MSL2: variants seen among roughly 807,000 people sequenced by gnomAD.
The protein encoded by MSL2 is E3 ubiquitin-protein ligase MSL2.
A neutral mutation model predicts 35.8 loss-of-function variants in MSL2; 2 were observed. The ratio of observed to expected loss-of-function variants is 0.06; its 90% confidence interval spans 0.02 to 0.18. The LOEUF (loss-of-function observed/expected upper bound fraction) is 0.18, where lower values mean the gene tolerates loss of function less well. Ranked by LOEUF, MSL2 falls within the 10% of genes least tolerant of loss-of-function variation. MSL2 has a pLI of 1.00. For missense variants in MSL2, 523 were observed against 706.7 expected (o/e 0.74, Z 2.95); for synonymous variants, 296 against 255.7 (o/e 1.16, Z -1.50).
At chr3:136,171,973 C>G (rs909793994) in intron 1 of MSL2, among the ~76,000 whole-genome samples, 8 of 152,104 alleles carry the variant, frequency 5.3e-5, no homozygotes, top group Non-Finnish European at 1.0e-4. Flanking sequence ...TCATCGTAGC[C>G]TCAACCTCCT....
intron 1 of MSL2, chr3:136,155,746 C>CG: frequency 1.9e-6 from 1 of 521,674 alleles, no homozygotes. Context: ...CTTCTACAGA[C>CG]GGAATTGTGA....
intron 1 of MSL2, among the ~76,000 whole-genome samples, chr3:136,163,491 G>C (rs927252273): frequency 6.6e-6 from 1 of 152,126 alleles, no homozygotes; most frequent in Admixed American, 6.5e-5. Context: ...GAGCTTCTTG[G>C]ACAAATGGCT....
At chr3:136,175,213 G>A (rs893982608) in intron 1 of MSL2, among the ~76,000 whole-genome samples, 14 of 151,648 alleles carry the variant, frequency 9.2e-5, no homozygotes, top group South Asian at 4.2e-4. Context: ...ACGTGGTGGC[G>A]CACACCTGTA....
At chr3:136,155,062 G>A (rs1021877796) in intron 1 of MSL2, among the ~76,000 whole-genome samples, 2 of 151,984 alleles carry the variant, frequency 1.3e-5, no homozygotes, top group Admixed American at 1.3e-4. Flanking sequence ...ACAAAAATTA[G>A]CTGGGAGTGG....
At chr3:136,180,741 G>A (rs1026725333) in intron 1 of MSL2, among the ~76,000 whole-genome samples, 2 of 129,322 alleles carry the variant, frequency 1.5e-5, no homozygotes, top group African/African-American at 2.9e-5. Context: ...AGAAGAGGAG[G>A]AGAGGAGGGA....
intron 1 of MSL2, among the ~76,000 whole-genome samples, chr3:136,193,156 GT>G (rs551142956): frequency 1.3e-5 from 2 of 151,974 alleles, no homozygotes; most frequent in East Asian, 1.9e-4. Flanking sequence ...AATGTAGTGG[GT>G]TTTTTTTATC....
intron 1 of MSL2, 77 bp from the exon 2 acceptor site, chr3:136,152,815 T>G (rs959994890): frequency 6.6e-7 from 1 of 1,523,216 alleles, no homozygotes; most frequent in Non-Finnish European, 8.8e-7. Flanking sequence ...TTAGATGACA[T>G]AAGTAGTCTA....
intron 1 of MSL2, among the ~76,000 whole-genome samples, chr3:136,165,251 A>G (rs535664411): frequency 7.9e-5 from 12 of 151,630 alleles, no homozygotes; most frequent in Non-Finnish European, 1.6e-4. Flanking sequence ...TTGAAACCTT[A>G]TCTGCAATAT....
At chr3:136,184,149 G>A (rs1010853923) in intron 1 of MSL2, among the ~76,000 whole-genome samples, 3 of 151,906 alleles carry the variant, frequency 2.0e-5, no homozygotes, top group Non-Finnish European at 2.9e-5. Context: ...CAAAAAATTA[G>A]CCGGGCGTTG....
At chr3:136,191,370 A>C (rs1217355192) in intron 1 of MSL2, among the ~76,000 whole-genome samples, 1 of 151,426 alleles carries the variant, frequency 6.6e-6, no homozygotes, top group African/African-American at 2.4e-5. Context: ...CGGGAAGCTG[A>C]GGCAGGAGAA....
chr3:136,195,865 G>C lies in MSL2; in HGVS notation c.-752C>G. The C allele has an allele frequency of 5.2e-6, 5 of 968,510 alleles. No individual in the cohort carries two copies. Among genetic ancestry groups the C allele is most frequent in the Middle Eastern group, 5.3e-4 (1 of 1,884 alleles). 60.0% of individuals were successfully genotyped at this position (968,510 alleles called of 1,614,324 possible). On this transcript the variant is annotated 5_prime_UTR_variant, in exon 1 of 2. Coordinates refer to ENST00000309993, the MANE Select transcript of MSL2 (RefSeq NM_018133.4). ...GAAGTGCGCGGGCCGCCGCCGGCGGGCGGGAGGGGGCGGGGGGCAAGCCCG... is the reference window on the plus strand; with the variant it reads ...GAAGTGCGCGGGCCGCCGCCGGCGGCCGGGAGGGGGCGGGGGGCAAGCCCG...
At chr3:136,168,609 T>TG (rs1939918919) in intron 1 of MSL2, among the ~76,000 whole-genome samples, 1 of 152,044 alleles carries the variant, frequency 6.6e-6, no homozygotes, top group Admixed American at 6.6e-5. Flanking sequence ...CTGAGCCTGT[T>TG]GGGGGTAGGG....
chr3:136,182,616 A>T (rs1199758163), intron 1 of MSL2, among the ~76,000 whole-genome samples: 2 of 152,018 alleles, frequency 1.3e-5, no homozygotes, highest in African/African-American at 4.8e-5. Flanking sequence ...AGGCAGCTGG[A>T]CTTGTCAGAG....
At chr3:136,194,434 C>G in intron 1 of MSL2, 1 of 985,450 alleles carries the variant, frequency 1.0e-6, no homozygotes, top group Middle Eastern at 5.2e-4. Flanking sequence ...CCTTCCCCGG[C>G]TCGCTGTTAA....
chr3:136,167,861 AAG>A (rs1250829851), intron 1 of MSL2, among the ~76,000 whole-genome samples: 1 of 152,210 alleles, frequency 6.6e-6, no homozygotes, highest in Non-Finnish European at 1.5e-5. Context: ...AACGTAATGA[AAG>A]AGAAAAATAA....
intron 1 of MSL2, among the ~76,000 whole-genome samples, chr3:136,172,087 A>G (rs1940041318): frequency 6.6e-6 from 1 of 152,190 alleles, no homozygotes; most frequent in South Asian, 2.1e-4. Context: ...CTGGGATTAC[A>G]GGCGTGAGCC....
chr3:136,187,606 G>A (rs535454426), intron 1 of MSL2, among the ~76,000 whole-genome samples: 3 of 151,150 alleles, frequency 2.0e-5, no homozygotes, highest in South Asian at 2.1e-4. Flanking sequence ...GGAGATGGAC[G>A]TTGCAGTGAG....
chr3:136,176,449 A>G (rs886638266), intron 1 of MSL2, among the ~76,000 whole-genome samples: 2 of 150,556 alleles, frequency 1.3e-5, no homozygotes, highest in Admixed American at 1.3e-4. Flanking sequence ...CAGGAGGTTG[A>G]AGCTGTATTG....
chr3:136,151,456 T>G lies in MSL2; in HGVS notation c.1425A>C (p.Thr475=), dbSNP rs1473530920. 3 of 1,614,240 alleles carry G rather than the reference T, an allele frequency of 1.9e-6. No individual in the cohort carries two copies. Among genetic ancestry groups the G allele is most frequent in the East Asian group, 4.5e-5 (2 of 44,888 alleles). ...AGCAAGGGCAGCGTTGGCCTCGGCA[T>G]GTAAGAACACTTGGATTTTGAGTAG... The part of the protein sequence containing the change: ...GRATQNPSVL[T]CRGQRCPCYS... Residue 475 remains threonine, a synonymous_variant, in exon 2 of 2, where the codon ACA becomes ACC. Coordinates refer to ENST00000309993, the MANE Select transcript of MSL2 (RefSeq NM_018133.4). This position sits in a 1 kb window ranked among gnomAD's most constrained non-coding sequence, Gnocchi z 5.2.
Sources: allele counts gnomAD v4.1 joint callset (sites outside exome capture counted in the v4.1 genomes callset), GRCh38; gene constraint gnomAD v4.1.1; non-coding constraint Gnocchi (gnomAD v3.1); transcripts MANE v1.5; gene names NCBI Gene and HGNC (gene_info 2026-07-23, HGNC 2026-07-21).